Variants in KRT10 observed in about 807,000 individuals in gnomAD.
The protein encoded by KRT10 is keratin, type I cytoskeletal 10.
In KRT10, 40 loss-of-function variants were observed where a neutral mutation model predicts 59.2. That is an observed-to-expected ratio of 0.68 (90% CI 0.52 to 0.88). The LOEUF is 0.88. KRT10 is among the 40% of genes least tolerant of loss of function. The pLI, the probability that KRT10 is intolerant of heterozygous loss-of-function variation, is 0.00. For synonymous variants in KRT10, 336 were observed against 310.7 expected (o/e 1.08, Z -0.86); for missense variants, 719 against 749.1 (o/e 0.96, Z 0.47).
intron 5 of KRT10, 150 bp from the exon 6 acceptor site, chr17:40,819,884 C>A (rs1326329365): frequency 1.6e-5 from 18 of 1,134,252 alleles, no homozygotes; most frequent in Middle Eastern, 5.3e-4. Flanking sequence ...AGTTTCAGCA[C>A]TTTTAGATCA....
rs548605061 is a variant in KRT10, at chr17:40,818,934, C to A, written c.1601G>T (p.Ser534Ile). Reference sequence around the variant, plus strand: ...GTAGCCGCCGCCGCCGCCGCCGGAACTGCCACCACCGTAGCCGCCGCTGGA... The same window carrying A: ...GTAGCCGCCGCCGCCGCCGCCGGAAATGCCACCACCGTAGCCGCCGCTGGA... Reference protein sequence around the residue: ...GSSSGGYGGGSSGGGGGGYGG... With the variant: ...GSSSGGYGGGISGGGGGGYGG... Residue 534 changes from serine (S) to isoleucine (I), a missense_variant, in exon 7 of 8, where the codon AGT (serine) becomes ATT (isoleucine). Ser to Ile is a moderately radical substitution (Grantham distance 142, BLOSUM62 -2). Coordinates refer to ENST00000269576, the MANE Select transcript of KRT10 (RefSeq NM_000421.5). The A allele has an allele frequency of 5.3e-5, 73 of 1,377,552 alleles. 1 individual carries two copies. In the African/African-American group the frequency reaches 1.1e-3, roughly 22 times the overall value. 85.3% of individuals were successfully genotyped at this position (1,377,552 alleles called of 1,614,324 possible). A position where few individuals can be genotyped will look rare whatever the true frequency, so the allele number is the denominator to read the frequency against.
Position 40,819,532 on chromosome 17 carries a change from AGCAGGCTGCG to A in KRT10, c.1348_1357del (p.Arg450Ter). On this transcript the variant is annotated frameshift_variant, in exon 6 of 8. Coordinates refer to ENST00000269576, the MANE Select transcript of KRT10 (RefSeq NM_000421.5). LOFTEE classifies it high-confidence loss of function. ...TAAAATTTACCTTCCCTCTCCTTCT[AGCAGGCTGCG>A]GTAGGTTTGAATTTCATTCTCCAGT... 6.2e-7 allele frequency: 1 copy of A among 1,613,938 alleles called. No individual in the cohort carries two copies. Among genetic ancestry groups the A allele is most frequent in the Non-Finnish European group, 8.5e-7 (1 of 1,179,778 alleles).
intron 5 of KRT10, 40 bp from the exon 6 acceptor site, chr17:40,819,774 C>T: frequency 6.6e-7 from 1 of 1,507,892 alleles, no homozygotes; most frequent in South Asian, 1.1e-5. Flanking sequence ...CTTCCTTGTT[C>T]AGTTGAGTAT....
intron 2 of KRT10, 98 bp from the exon 3 acceptor site, chr17:40,820,765 G>T: frequency 1.5e-6 from 2 of 1,301,454 alleles, no homozygotes; most frequent in Non-Finnish European, 2.2e-6. Flanking sequence ...TTGATCTCAT[G>T]TAATGGCAAT....
chr17:40,820,396 T>G lies in KRT10; in HGVS notation c.895A>C (p.Thr299Pro). 6.2e-7 allele frequency: 1 copy of G among 1,614,210 alleles called. No homozygotes were observed. The highest frequency in any genetic ancestry group is 8.5e-7 in the Non-Finnish European group (1 of 1,180,030). ...EEMKDLRNVS[T>P]GDVNVEMNAA... ...TTCATTTCCACATTCACATCACCAG[T>G]GGACACATTTCGAAGGTCTTTCATT... is the stretch of plus-strand genomic sequence containing the variant. Residue 299 changes from threonine to proline, a missense_variant, in exon 4 of 8, where the codon ACT becomes CCT. Around this residue, in one of 4 missense-constraint regions of KRT10, gnomAD observed 221 missense variants for 277.8 expected, o/e 0.80. Coordinates refer to ENST00000269576, the MANE Select transcript of KRT10 (RefSeq NM_000421.5).
Position 40,821,917 on chromosome 17 carries a change from A to T in KRT10, c.627+42T>A, listed in dbSNP as rs1462399754. 3 of 1,600,134 alleles carry T rather than the reference A, an allele frequency of 1.9e-6. No homozygotes were observed. In the East Asian group the frequency reaches 6.7e-5, roughly 36 times the overall value. On this transcript the variant is annotated intron_variant, in intron 1 of 7. Coordinates refer to ENST00000269576, the MANE Select transcript of KRT10 (RefSeq NM_000421.5). The stretch of plus-strand genomic sequence containing the variant: ...TTTAAGATTCATCTGTCTGGATTAC[A>T]TGGACAAGATACTTAAAGCTGGATT...
chr17:40,821,185 T>A, intron 1 of KRT10, 68 bp from the exon 2 acceptor site: 1 of 1,072,050 alleles, frequency 9.3e-7, no homozygotes, highest in Non-Finnish European at 1.4e-6. Context: ...GTGACATAGA[T>A]GCACTCTGCA....
rs1471327019 is a variant in KRT10 at position 40,822,553 on chromosome 17, G to A, written c.33C>T (p.Tyr11=). 3 of 1,605,108 alleles carry A rather than the reference G, an allele frequency of 1.9e-6. No homozygotes were observed. The highest frequency in any genetic ancestry group is 2.5e-6 in the Non-Finnish European group (3 of 1,179,972). MSVRYSSSKH[Y]SSSRSGGGGG... ...CTCCTCCTCCACTGCGGGAGGAAGA[G>A]TAGTGCTTGCTTGAGCTGTATCGAA... Residue 11 remains tyrosine (Y), a synonymous_variant, in exon 1 of 8, where the codon TAC becomes TAT. Transcript: ENST00000269576.
chr17:40,819,117 T>C lies in KRT10; in HGVS notation c.1418A>G (p.Tyr473Cys). Residue 473 changes from tyrosine to cysteine, a missense_variant, in exon 7 of 8, where the codon TAC becomes TGC. Tyr to Cys is a radical substitution (Grantham distance 194). Around this residue, in one of 4 missense-constraint regions of KRT10, gnomAD observed 315 missense variants for 270.6 expected, o/e 1.16. Transcript: ENST00000269576. ...TCCGCCGCCGGAGCTTCCGCCGCCG[T>C]AGCCGCCGCCGAAACTTCCGCCGCC... ...GRGGGSFGGG[Y>C]GGGSSGGGSS... 2.0e-6 allele frequency: 3 copies of C among 1,509,826 alleles called. No homozygotes were observed. The highest frequency in any genetic ancestry group is 2.6e-6 in the Non-Finnish European group (3 of 1,141,266). 93.5% of individuals were successfully genotyped at this position (1,509,826 alleles called of 1,614,324 possible). A position where few individuals can be genotyped will look rare whatever the true frequency, so the allele number is the denominator to read the frequency against.
At chr17:40,820,990 G>A in intron 2 of KRT10, 45 bp downstream of exon 2, 1 of 1,408,060 alleles carries the variant, frequency 7.1e-7, no homozygotes, top group Non-Finnish European at 1.0e-6. Context: ...AAAAACCACT[G>A]ATGTATTCGT....
chr17:40,818,884 T>TGCCGCCGCCGGAGCTGCC lies in KRT10; in HGVS notation c.1633_1650dup (p.Gly545_Gly550dup), dbSNP rs1567705936. 8 of 1,514,910 alleles carry TGCCGCCGCCGGAGCTGCC rather than the reference T, an allele frequency of 5.3e-6. No individual in the cohort carries two copies. Among genetic ancestry groups the TGCCGCCGCCGGAGCTGCC allele is most frequent in the Non-Finnish European group, 4.4e-6 (5 of 1,137,872 alleles). 93.8% of individuals were successfully genotyped at this position (1,514,910 alleles called of 1,614,324 possible). ...CCGCCGTATCCGCCGCCGGAGCTGC[T>TGCCGCCGCCGGAGCTGCC]GCCGCCGCCGGAGCTGCCGCCCCCG... On this transcript the variant is annotated inframe_insertion, in exon 7 of 8. Transcript: ENST00000269576.
In KRT10 at chr17:40,822,528, C is replaced by T. The variant is rs1345958671; in HGVS notation, c.58G>A (p.Gly20Arg). The T allele has an allele frequency of 6.2e-7, 1 of 1,609,674 alleles. No individual in the cohort carries two copies. The highest frequency in any genetic ancestry group is 8.5e-7 in the Non-Finnish European group (1 of 1,179,914). Reference protein sequence around the residue: ...HYSSSRSGGGGGGGGCGGGGG... With the variant: ...HYSSSRSGGGRGGGGCGGGGG... ...CCTCCTCCACATCCTCCTCCTCCTC[C>T]TCCTCCTCCACTGCGGGAGGAAGAG... The change falls in exon 1 of 8, where the codon GGA becomes AGA. Residue 20 changes from glycine to arginine, a missense_variant. Coordinates refer to ENST00000269576, the MANE Select transcript of KRT10 (RefSeq NM_000421.5).
In KRT10 at chr17:40,818,238, AACACCTTGTAG is replaced by A; in HGVS notation, c.*227_*237del. 2.1e-6 allele frequency: 1 copy of A among 487,768 alleles called. No individual in the cohort carries two copies. The highest frequency in any genetic ancestry group is 4.0e-5 in the South Asian group (1 of 24,706). The allele number at this position is 487,768 out of a possible 1,614,324, so 30.2% of individuals were successfully genotyped here. ...AAAAGAAGAAATACAGAAACCACAAAACACCTTGTAGACACCTTATTTTCAAGGTCTATTTC... is the reference window on the plus strand; with the variant it reads ...AAAAGAAGAAATACAGAAACCACAAAACACCTTATTTTCAAGGTCTATTTC... On this transcript the variant is annotated 3_prime_UTR_variant, in exon 8 of 8. Transcript: ENST00000269576.
In KRT10 at chr17:40,818,463, T is replaced by G. The variant is rs1288870202; in HGVS notation, c.*13A>C. ...CCACCTCTTCAATAATTGTCTTGAT[T>G]ACTCTGGTTTTGTTAGTATCTGTGT... On this transcript the variant is annotated 3_prime_UTR_variant, in exon 8 of 8. Coordinates refer to ENST00000269576, the MANE Select transcript of KRT10 (RefSeq NM_000421.5). 6.2e-7 allele frequency: 1 copy of G among 1,612,606 alleles called. No individual in the cohort carries two copies. The highest frequency in any genetic ancestry group is 8.5e-7 in the Non-Finnish European group (1 of 1,178,624).
At chr17:40,820,883 C>A in intron 2 of KRT10, 152 bp downstream of exon 2, 2 of 876,242 alleles carry the variant, frequency 2.3e-6, no homozygotes, top group Non-Finnish European at 1.8e-6. Context: ...AAAGGTAACA[C>A]TGACATGGAA....
Position 40,820,628 on chromosome 17 carries a change from A to T in KRT10, c.750T>A (p.Ala250=). Residue 250 remains alanine (A), a synonymous_variant, in exon 3 of 8, where the codon GCT becomes GCA. Transcript: ENST00000269576. ...NEVALRQSVE[A]DINGLRRVLD... ...GCACCCTACGCAGGCCGTTGATGTC[A>T]GCCTCCACGCTCTGGCGCAGAGCTA... The T allele has an allele frequency of 1.2e-6, 2 of 1,614,204 alleles. No individual in the cohort carries two copies. Among genetic ancestry groups the T allele is most frequent in the Non-Finnish European group, 1.7e-6 (2 of 1,180,040 alleles).
chr17:40,820,899 C>A, intron 2 of KRT10, 136 bp downstream of exon 2: 4 of 894,862 alleles, frequency 4.5e-6, no homozygotes, highest in Non-Finnish European at 7.1e-6. Context: ...TGGAAAATTT[C>A]TCAGATAACT....
At position 40,819,026 on chromosome 17, in the gene KRT10, GCTT is replaced by G; in HGVS notation, c.1506_1508del (p.Ser504del). The G allele has an allele frequency of 1.5e-6, 2 of 1,374,800 alleles. No homozygotes were observed. The allele number at this position is 1,374,800 out of a possible 1,614,324, so 85.2% of individuals were successfully genotyped here. On this transcript the variant is annotated inframe_deletion, in exon 7 of 8. Transcript: ENST00000269576. Reference sequence around the variant, plus strand: ...CGCCGCCGGAGCTTCCGCCGCCGGAGCTTCCGCCTCCGTAGCCGCCGCCGGAAC... The same window carrying G: ...CGCCGCCGGAGCTTCCGCCGCCGGAGCCGCCTCCGTAGCCGCCGCCGGAAC...
Position 40,818,893 on chromosome 17 carries a change from CGGAGCT to C in KRT10, c.1636_1641del (p.Ser546_Ser547del). 2 of 1,445,242 alleles carry C rather than the reference CGGAGCT, an allele frequency of 1.4e-6. No individual in the cohort carries two copies. The highest frequency in any genetic ancestry group is 2.8e-5 in the East Asian group (1 of 35,496). 89.5% of individuals were successfully genotyped at this position (1,445,242 alleles called of 1,614,324 possible). A position where few individuals can be genotyped will look rare whatever the true frequency, so the allele number is the denominator to read the frequency against. Reference sequence around the variant, plus strand: ...CCGCCGCCGGAGCTGCTGCCGCCGCCGGAGCTGCCGCCCCCGTAGCCGCCGCCGCCG... The same window carrying C: ...CCGCCGCCGGAGCTGCTGCCGCCGCCGCCGCCCCCGTAGCCGCCGCCGCCG... On this transcript the variant is annotated inframe_deletion, in exon 7 of 8. Coordinates refer to ENST00000269576, the MANE Select transcript of KRT10 (RefSeq NM_000421.5).
Sources: gnomAD v4.1 joint callset for allele counts on GRCh38, gnomAD v4.1.1 for gene constraint, gnomAD v4.1.1 regional missense constraint, MANE v1.5 for transcripts, NCBI Gene and HGNC (gene_info 2026-07-23, HGNC 2026-07-21) for gene names.